The following PTPRG variants were observed in gnomAD, a reference collection of about 807,000 sequenced individuals.
The protein encoded by PTPRG is protein tyrosine phosphatase receptor type G, also known as receptor-type tyrosine-protein phosphatase gamma.
Under a neutral mutation model 165.3 loss-of-function variants are expected in PTPRG, and 102 were observed. The observed-to-expected ratio is 0.62, with a 90% CI of 0.53 to 0.73. The LOEUF is 0.73. Among genes scored for constraint, PTPRG ranks in the 30% least tolerant of loss-of-function variants. The pLI is 0.00. For missense variants in PTPRG, 1,866 were observed against 1,861.4 expected (o/e 1.00, Z -0.05); for synonymous variants, 675 against 669.5 (o/e 1.01, Z -0.13).
At chr3:61,885,156 C>G (rs2037992560) in intron 2 of PTPRG, among the ~76,000 whole-genome samples, 1 of 150,102 alleles carries the variant, frequency 6.7e-6, no homozygotes, top group Admixed American at 6.6e-5. Context: ...TTTTTGCTGT[C>G]TTTTCACTCA....
At chr3:61,641,747 G>A (rs1283274604) in intron 1 of PTPRG, among the ~76,000 whole-genome samples, 1 of 152,188 alleles carries the variant, frequency 6.6e-6, no homozygotes, top group East Asian at 1.9e-4. Context: ...TGGTTGATTT[G>A]GAAGGAGTGG....
At chr3:62,053,481 G>A (rs987569682) in intron 4 of PTPRG, among the ~76,000 whole-genome samples, 6 of 152,012 alleles carry the variant, frequency 3.9e-5, no homozygotes, top group African/African-American at 1.2e-4. Context: ...TGGCCAGGCT[G>A]GTCTTCATCT....
At chr3:61,878,951 G>A (rs757246537) in intron 2 of PTPRG, among the ~76,000 whole-genome samples, 2 of 152,176 alleles carry the variant, frequency 1.3e-5, no homozygotes, top group African/African-American at 2.4e-5. Context: ...ACTAACCTGT[G>A]CATACTAGAA....
chr3:61,867,345 G>A (rs997006926), intron 2 of PTPRG, among the ~76,000 whole-genome samples: 1 of 152,152 alleles, frequency 6.6e-6, no homozygotes, highest in Non-Finnish European at 1.5e-5. Context: ...GAAGCAAAAA[G>A]CCAAGGGAAG....
At chr3:62,157,032 C>T in intron 6 of PTPRG, 35 bp from the exon 7 acceptor site, 1 of 1,552,554 alleles carries the variant, frequency 6.4e-7, no homozygotes, top group South Asian at 1.1e-5. Context: ...CATGACTTAC[C>T]ATTGTGCTTT....
At chr3:61,960,073 G>C (rs1448487627) in intron 2 of PTPRG, among the ~76,000 whole-genome samples, 2 of 151,892 alleles carry the variant, frequency 1.3e-5, no homozygotes, top group African/African-American at 4.8e-5. Flanking sequence ...TATTCTGTAG[G>C]GTCTCCTTGA....
At chr3:61,908,261 A>G (rs1157218240) in intron 2 of PTPRG, among the ~76,000 whole-genome samples, 1 of 151,262 alleles carries the variant, frequency 6.6e-6, no homozygotes, top group Non-Finnish European at 1.5e-5. Flanking sequence ...CCCTGTCTCT[A>G]TTAAAAATGC....
Position 61,561,949 on chromosome 3 carries a change from C to A in PTPRG, c.-339C>A. 1 of 176,202 alleles carries A rather than the reference C, an allele frequency of 5.7e-6. No homozygotes were observed. Among genetic ancestry groups the A allele is most frequent in the South Asian group, 1.7e-4 (1 of 5,912 alleles). 10.9% of individuals were successfully genotyped at this position (176,202 alleles called of 1,614,324 possible). On this transcript the variant is annotated 5_prime_UTR_variant, in exon 1 of 30. Coordinates refer to ENST00000474889, the MANE Select transcript of PTPRG (RefSeq NM_002841.4). ...TCCTCGGCTGCTCGCCGCCGCCGCC[C>A]GCGGTCCCTGCCTGCCCCAGGCCCG...
At chr3:61,875,344 C>G (rs2037705534) in intron 2 of PTPRG, among the ~76,000 whole-genome samples, 1 of 151,960 alleles carries the variant, frequency 6.6e-6, no homozygotes, top group African/African-American at 2.4e-5. Flanking sequence ...GGATGGTGTT[C>G]TAAGTACTTG....
At chr3:61,694,552 T>C (rs1034232280) in intron 1 of PTPRG, among the ~76,000 whole-genome samples, 1 of 152,184 alleles carries the variant, frequency 6.6e-6, no homozygotes. Context: ...TGATCCCACT[T>C]CTGAGAAATT....
chr3:61,739,703 T>C (rs1419882264), intron 1 of PTPRG, among the ~76,000 whole-genome samples: 1 of 152,220 alleles, frequency 6.6e-6, no homozygotes, highest in African/African-American at 2.4e-5. Context: ...GCTTTCCTCA[T>C]AGGCAATAAT....
At chr3:61,647,791 C>CAAAAAAAAAAAAA (rs58020589) in intron 1 of PTPRG, among the ~76,000 whole-genome samples, 5 of 93,156 alleles carry the variant, frequency 5.4e-5, no homozygotes, top group Non-Finnish European at 1.0e-4. Flanking sequence ...GACTCCGTCT[C>CAAAAAAAAAAAAA]AAAAAAAAAA....
intron 1 of PTPRG, among the ~76,000 whole-genome samples, chr3:61,580,442 G>A (rs572646058): frequency 3.4e-5 from 5 of 148,932 alleles, no homozygotes; most frequent in East Asian, 2.0e-4. Context: ...ATGTAGTGGC[G>A]TGATCTCAGC....
rs774262138 is a variant in PTPRG, at chr3:62,080,061, C to CTTTTTTTTTTTTTTTTTTTTTTTT, written c.615+1803_615+1804insTTTTTTTTTTTTTTTTTTTTTTTT. Among the ~76,000 whole-genome samples, 13 of 111,566 alleles carry CTTTTTTTTTTTTTTTTTTTTTTTT rather than the reference C, an allele frequency of 1.2e-4. 5 individuals are homozygous for CTTTTTTTTTTTTTTTTTTTTTTTT. The highest frequency in any genetic ancestry group is 1.7e-4 in the Non-Finnish European group (9 of 54,506). The allele number at this position is 111,566 out of a possible 152,430, so 73.2% of individuals were successfully genotyped here. A position where few individuals can be genotyped will look rare whatever the true frequency, so the allele number is the denominator to read the frequency against. On this transcript the variant is annotated intron_variant, in intron 5 of 29. Transcript: ENST00000474889. The stretch of plus-strand genomic sequence containing the variant: ...GAGTTCTGTCTGGACCCCTTCGGTT[C>CTTTTTTTTTTTTTTTTTTTTTTTT]ATTTTTTTTTTTTTTTTTTTTGAGA...
intron 2 of PTPRG, among the ~76,000 whole-genome samples, chr3:61,923,032 C>G (rs142387165): frequency 4.6e-5 from 7 of 152,310 alleles, no homozygotes; most frequent in Admixed American, 1.3e-4. Context: ...ATTATCCCCA[C>G]TAGGTATTGT....
intron 15 of PTPRG, among the ~76,000 whole-genome samples, chr3:62,251,008 G>A (rs1701400906): frequency 6.6e-6 from 1 of 152,162 alleles, no homozygotes; most frequent in Non-Finnish European, 1.5e-5. Flanking sequence ...CTCTACATTA[G>A]TCATTTTATA....
intron 2 of PTPRG, among the ~76,000 whole-genome samples, chr3:61,826,710 C>T (rs1196301167): frequency 6.6e-6 from 1 of 152,074 alleles, no homozygotes; most frequent in Non-Finnish European, 1.5e-5. Context: ...TTTTACACCT[C>T]CCTTTATAGC....
At chr3:62,177,757 C>T (rs1230345000) in intron 8 of PTPRG, among the ~76,000 whole-genome samples, 1 of 152,156 alleles carries the variant, frequency 6.6e-6, no homozygotes, top group African/African-American at 2.4e-5. Context: ...CCTCCTCAGC[C>T]TTCATAACTC....
At chr3:61,599,124 G>A (rs1274380712) in intron 1 of PTPRG, among the ~76,000 whole-genome samples, 4 of 152,170 alleles carry the variant, frequency 2.6e-5, no homozygotes, top group African/African-American at 7.2e-5. Flanking sequence ...TTTGGAATTA[G>A]CACCTACTGT....
Sources: allele counts gnomAD v4.1 joint callset (sites outside exome capture counted in the v4.1 genomes callset), GRCh38; gene constraint gnomAD v4.1.1; transcripts MANE v1.5; gene names NCBI Gene and HGNC (gene_info 2026-07-23, HGNC 2026-07-21).